Variants in EVI5 observed in about 807,000 individuals in gnomAD.
EVI5 encodes the protein ecotropic viral integration site 5 protein homolog.
A neutral mutation model predicts 112.0 loss-of-function variants in EVI5; 73 were observed. That is an observed-to-expected ratio of 0.65 (90% CI 0.54 to 0.79). The LOEUF is 0.79. Among genes scored for constraint, EVI5 ranks in the 30% least tolerant of loss-of-function variants. EVI5 has a pLI of 0.00. For synonymous variants in EVI5, 305 were observed against 319.9 expected (o/e 0.95, Z 0.50); for missense variants, 900 against 968.8 (o/e 0.93, Z 0.94).
At chr1:92,726,324 G>T (rs1468069986) in intron 2 of EVI5, among the ~76,000 whole-genome samples, 1 of 152,132 alleles carries the variant, frequency 6.6e-6, no homozygotes, top group Non-Finnish European at 1.5e-5. Flanking sequence ...AAATGTGCTT[G>T]AGAGTAACAA....
chr1:92,705,925 T>A (rs1173517227), intron 2 of EVI5, among the ~76,000 whole-genome samples: 1 of 152,222 alleles, frequency 6.6e-6, no homozygotes, highest in African/African-American at 2.4e-5. Flanking sequence ...CTACTCATCT[T>A]TATATCCCTT....
chr1:92,750,568 A>T (rs1000424176), intron 1 of EVI5, among the ~76,000 whole-genome samples: 1 of 152,208 alleles, frequency 6.6e-6, no homozygotes, highest in African/African-American at 2.4e-5. Context: ...ACATATGAAC[A>T]AAATTTTGCA....
chr1:92,528,107 A>C (rs1662237574), intron 19 of EVI5, among the ~76,000 whole-genome samples: 1 of 152,214 alleles, frequency 6.6e-6, no homozygotes, highest in African/African-American at 2.4e-5. Flanking sequence ...GTCAAAGCCA[A>C]TTAATGGTCC....
intron 7 of EVI5, 92 bp downstream of exon 7, chr1:92,695,218 G>A (rs1670120721): frequency 9.6e-7 from 1 of 1,038,830 alleles, no homozygotes; most frequent in East Asian, 2.5e-5. Flanking sequence ...GGGACACATG[G>A]CTTTCCTTCA....
chr1:92,792,052 G>T (rs1037847789), intron 1 of EVI5, among the ~76,000 whole-genome samples: 4 of 152,224 alleles, frequency 2.6e-5, no homozygotes. Context: ...TTACAGCTAG[G>T]AGAGAATTGC....
chr1:92,618,960 C>G (rs930683763), intron 16 of EVI5, among the ~76,000 whole-genome samples: 4 of 152,198 alleles, frequency 2.6e-5, no homozygotes, highest in East Asian at 1.9e-4. Context: ...TCCAGGTGTA[C>G]AAAGGATAGT....
chr1:92,582,146 T>C (rs1429681129), intron 18 of EVI5, among the ~76,000 whole-genome samples: 1 of 152,206 alleles, frequency 6.6e-6, no homozygotes, highest in Non-Finnish European at 1.5e-5. Flanking sequence ...ATGTACAGCA[T>C]GTTACCGTAT....
rs200686753 is a variant in EVI5, at chr1:92,513,674, C to T, written c.2463G>A (p.Ser821=). The T allele has an allele frequency of 2.6e-5, 41 of 1,606,382 alleles. No homozygotes were observed. Among genetic ancestry groups the T allele is most frequent in the South Asian group, 2.2e-5 (2 of 90,584 alleles). ...GTGATGGTCAGACAGTGGTTGAATA[C>T]GACTCTCTTCTTCTCGGGGGCCGCT... The part of the protein sequence containing the change: ...QKERPPRRRE[S]YSTTV Residue 821 remains serine, a synonymous_variant, in exon 20 of 20, where the codon TCG becomes TCA. Transcript: ENST00000684568.
intron 13 of EVI5, 126 bp from the exon 14 acceptor site, chr1:92,636,462 A>C (rs142247559): frequency 0.016 from 11,144 of 713,668 alleles, 104 homozygotes; most frequent in Non-Finnish European, 0.018. Flanking sequence ...AGTTCCATCT[A>C]CCCAATATTT....
At chr1:92,699,232 A>G (rs898750867) in intron 5 of EVI5, among the ~76,000 whole-genome samples, 1 of 152,128 alleles carries the variant, frequency 6.6e-6, no homozygotes, top group Non-Finnish European at 1.5e-5. Flanking sequence ...CAAGCCCCAC[A>G]GCCCCACTGA....
At chr1:92,675,600 A>G (rs1666600073) in intron 10 of EVI5, among the ~76,000 whole-genome samples, 1 of 151,818 alleles carries the variant, frequency 6.6e-6, no homozygotes, top group Admixed American at 6.6e-5. Flanking sequence ...CTCTCTCCCC[A>G]CTCATCAGGA....
chr1:92,757,874 A>C (rs1681185261), intron 1 of EVI5, among the ~76,000 whole-genome samples: 1 of 142,538 alleles, frequency 7.0e-6, no homozygotes, highest in Non-Finnish European at 1.5e-5. Context: ...TGCACAATCC[A>C]GCCTGGGCAA....
intron 13 of EVI5, among the ~76,000 whole-genome samples, chr1:92,656,630 C>T (rs1558008368): frequency 6.6e-6 from 1 of 151,490 alleles, no homozygotes; most frequent in Admixed American, 6.6e-5. Context: ...ATAAACAAAA[C>T]CAATATACTG....
At chr1:92,745,138 C>T (rs888021487) in intron 1 of EVI5, among the ~76,000 whole-genome samples, 2 of 148,916 alleles carry the variant, frequency 1.3e-5, no homozygotes, top group Admixed American at 6.7e-5. Context: ...AGGGTTTCAC[C>T]ATGTTGCCCA....
At chr1:92,783,255 C>T (rs1685094282) in intron 1 of EVI5, among the ~76,000 whole-genome samples, 1 of 151,976 alleles carries the variant, frequency 6.6e-6, no homozygotes, top group African/African-American at 2.4e-5. Flanking sequence ...GCCAGGTGCG[C>T]TGGCTCACGC....
At chr1:92,588,042 AT>A (rs1431852226) in intron 18 of EVI5, among the ~76,000 whole-genome samples, 13 of 152,332 alleles carry the variant, frequency 8.5e-5, no homozygotes, top group Admixed American at 7.2e-4. Context: ...AGATAGCTCC[AT>A]TTAGTATTAA....
intron 19 of EVI5, among the ~76,000 whole-genome samples, chr1:92,557,591 GA>G (rs1337462396): frequency 4.6e-5 from 7 of 152,050 alleles, no homozygotes; most frequent in Non-Finnish European, 1.0e-4. Context: ...GAGCCACCAT[GA>G]AGGGCTGTTT....
At chr1:92,514,334 T>G (rs1219854931) in intron 19 of EVI5, among the ~76,000 whole-genome samples, 4 of 152,000 alleles carry the variant, frequency 2.6e-5, no homozygotes, top group Admixed American at 6.5e-5. Context: ...TTTTGTATTT[T>G]TTGTAGACAC....
At chr1:92,545,954 G>A (rs1044713639) in intron 19 of EVI5, among the ~76,000 whole-genome samples, 1 of 151,638 alleles carries the variant, frequency 6.6e-6, no homozygotes, top group African/African-American at 2.4e-5. Context: ...TCTAATACAC[G>A]ATTTAGGCAG....
Sources: allele counts gnomAD v4.1 joint callset (sites outside exome capture counted in the v4.1 genomes callset), GRCh38; gene constraint gnomAD v4.1.1; transcripts MANE v1.5; gene names NCBI Gene and HGNC (gene_info 2026-07-23, HGNC 2026-07-21).